The following CCDC171 variants were observed in gnomAD, a reference collection of about 807,000 sequenced individuals.
CCDC171 encodes the protein coiled-coil domain-containing protein 171.
CCDC171 carries 177 observed loss-of-function variants against 168.2 expected under a neutral mutation model. That is an observed-to-expected ratio of 1.05 (90% confidence interval 0.93 to 1.19). The LOEUF (loss-of-function observed/expected upper bound fraction) is 1.19, where lower values mean the gene tolerates loss of function less well. CCDC171 is among the 50% of genes most tolerant of loss of function. CCDC171 has a pLI of 0.00. For missense variants in CCDC171, 1,991 were observed against 1,539.0 expected, an observed-to-expected ratio of 1.29 and a Z score of -4.91; for synonymous variants, 687 against 540.8, an observed-to-expected ratio of 1.27 and a Z score of -3.75.
chr9:16,062,832 G>A (rs779820461), downstream of CCDC171, among the ~76,000 whole-genome samples: 11 of 152,234 alleles, frequency 7.2e-5, no homozygotes, highest in Non-Finnish European at 1.6e-4. Context: ...TGTACTTGGA[G>A]ATCCTTGAAG....
intron 18 of CCDC171, among the ~76,000 whole-genome samples, chr9:15,756,442 T>A (rs1275494056): frequency 2.0e-5 from 3 of 152,200 alleles, no homozygotes; most frequent in African/African-American, 7.2e-5. Context: ...TGTGGGTATA[T>A]TGTGTGATGC....
chr9:15,602,736 A>G (rs559128016), intron 6 of CCDC171, among the ~76,000 whole-genome samples: 1 of 145,906 alleles, frequency 6.9e-6, no homozygotes, highest in African/African-American at 2.6e-5. Flanking sequence ...GCTCACTGCA[A>G]CCTCTCCGCC....
chr9:15,837,581 C>T (rs2060505210), intron 21 of CCDC171, among the ~76,000 whole-genome samples: 1 of 152,172 alleles, frequency 6.6e-6, no homozygotes, highest in Admixed American at 6.5e-5. Flanking sequence ...CACAATTCCT[C>T]AAGAAACTGC....
chr9:15,741,815 A>G (rs1490374500), intron 16 of CCDC171, among the ~76,000 whole-genome samples: 3 of 152,290 alleles, frequency 2.0e-5, no homozygotes, highest in Middle Eastern at 3.4e-3. Context: ...AATGTTAAAT[A>G]CTAGTGGAGA....
At chr9:15,588,406 CAG>C in intron 4 of CCDC171, 1 of 283,134 alleles carries the variant, frequency 3.5e-6, no homozygotes, top group South Asian at 3.9e-5. Flanking sequence ...AGCCAAGCTA[CAG>C]AGAAGATCTG....
At chr9:16,062,845 T>C (rs751827691), downstream of CCDC171, among the ~76,000 whole-genome samples, 4 of 152,204 alleles carry the variant, frequency 2.6e-5, no homozygotes, top group African/African-American at 2.4e-5. Flanking sequence ...CCTTGAAGGA[T>C]GGAGTTCCAG....
downstream of CCDC171, among the ~76,000 whole-genome samples, chr9:16,062,667 C>G (rs1370961241): frequency 2.0e-5 from 3 of 152,178 alleles, no homozygotes; most frequent in African/African-American, 7.2e-5. Flanking sequence ...AGCTAAGTAC[C>G]TGGACTTGTG....
At chr9:15,712,075 G>T (rs1475829788) in intron 11 of CCDC171, among the ~76,000 whole-genome samples, 2 of 152,228 alleles carry the variant, frequency 1.3e-5, no homozygotes, top group African/African-American at 4.8e-5. Context: ...GAAAGCAAGA[G>T]AAGATTGATG....
In CCDC171 at chr9:15,784,645, A is replaced by G; in HGVS notation, c.3218A>G (p.His1073Arg). ...GAATTGAATTATAAACTTGAATTGC[A>G]CTCCAGTGAGGAAGCTGACAAAAAC... ...LQELNYKLEL[H>R]SSEEADKNQT... The change falls in exon 21 of 26, where the codon CAC (histidine) becomes CGC (arginine). Residue 1073 changes from histidine (H) to arginine (R), a missense_variant. His to Arg is a conservative substitution (Grantham distance 29). Transcript: ENST00000380701. 2 of 1,613,422 alleles carry G rather than the reference A, an allele frequency of 1.2e-6. No individual in the cohort carries two copies. The highest frequency in any genetic ancestry group is 1.1e-5 in the South Asian group (1 of 90,996).
the CCDC171 span, among the ~76,000 whole-genome samples, chr9:16,084,016 T>C: frequency 6.6e-6 from 1 of 152,230 alleles, no homozygotes; most frequent in South Asian, 2.1e-4. Context: ...ACATGGTTTT[T>C]CTACTTGAGT....
intron 18 of CCDC171, among the ~76,000 whole-genome samples, chr9:15,772,754 T>G (rs1176671621): frequency 6.6e-6 from 1 of 152,210 alleles, no homozygotes; most frequent in Admixed American, 6.5e-5. Flanking sequence ...TTACGAGTTA[T>G]TCTATCTACT....
chr9:15,822,128 A>G (rs1588690343), intron 21 of CCDC171, among the ~76,000 whole-genome samples: 2 of 152,232 alleles, frequency 1.3e-5, no homozygotes, highest in Non-Finnish European at 2.9e-5. Flanking sequence ...CTGGCTAGCC[A>G]TATGTAGAAA....
intron 21 of CCDC171, among the ~76,000 whole-genome samples, chr9:15,797,684 T>C (rs923848259): frequency 6.6e-6 from 1 of 152,188 alleles, no homozygotes; most frequent in Non-Finnish European, 1.5e-5. Flanking sequence ...ATTTTACATT[T>C]TGATGAAGTA....
chr9:15,862,179 T>TAA (rs71325942), intron 23 of CCDC171, among the ~76,000 whole-genome samples: 8 of 151,348 alleles, frequency 5.3e-5, no homozygotes, highest in African/African-American at 1.5e-4. Flanking sequence ...TTTTTTGAAT[T>TAA]AAAAAAAGAA....
intron 10 of CCDC171, among the ~76,000 whole-genome samples, chr9:15,683,327 G>A (rs1045668549): frequency 6.6e-6 from 1 of 151,940 alleles, no homozygotes; most frequent in Non-Finnish European, 1.5e-5. Flanking sequence ...TGATGGTTAT[G>A]CTTTGTGGTG....
At chr9:15,626,853 C>G (rs1051702583) in intron 7 of CCDC171, among the ~76,000 whole-genome samples, 7 of 152,206 alleles carry the variant, frequency 4.6e-5, no homozygotes, top group African/African-American at 9.7e-5. Context: ...GGAGAGTTCC[C>G]TCTTTTTCTA....
intron 21 of CCDC171, among the ~76,000 whole-genome samples, chr9:15,842,436 A>G (rs2060718916): frequency 6.6e-6 from 1 of 152,040 alleles, no homozygotes; most frequent in Non-Finnish European, 1.5e-5. Context: ...AAATATTCCA[A>G]TTCAGGGAAT....
At chr9:15,955,267 G>T (rs1413002291) in intron 25 of CCDC171, among the ~76,000 whole-genome samples, 3 of 152,064 alleles carry the variant, frequency 2.0e-5, no homozygotes, top group African/African-American at 7.2e-5. Flanking sequence ...TTAATGTCTG[G>T]TCCCAAAGGG....
At chr9:16,074,353 G>T in the CCDC171 span, among the ~76,000 whole-genome samples, 1 of 152,096 alleles carries the variant, frequency 6.6e-6, no homozygotes, top group African/African-American at 2.4e-5. Context: ...ATGGGGAGTG[G>T]GCAGAGACAG....
Sources: allele counts gnomAD v4.1 joint callset (sites outside exome capture counted in the v4.1 genomes callset), GRCh38; gene constraint gnomAD v4.1.1; transcripts MANE v1.5; gene names NCBI Gene and HGNC (gene_info 2026-07-23, HGNC 2026-07-21).